The following MYT1L variants were observed in gnomAD, a reference collection of about 807,000 sequenced individuals.
MYT1L encodes myelin transcription factor 1 like.
MYT1L carries 12 observed loss-of-function variants against 126.7 expected under a neutral mutation model. That is an observed-to-expected ratio of 0.09 (90% confidence interval 0.06 to 0.15). The LOEUF is 0.15. Ranked by LOEUF, MYT1L falls within the 10% of genes least tolerant of loss-of-function variation. The pLI is 1.00. For synonymous variants in MYT1L, 541 were observed against 604.2 expected (o/e 0.90, Z 1.53); for missense variants, 979 against 1,585.2 (o/e 0.62, Z 6.49).
chr2:2,052,882 G>C (rs761743581), intron 4 of MYT1L, among the ~76,000 whole-genome samples: 4 of 152,162 alleles, frequency 2.6e-5, no homozygotes, highest in Non-Finnish European at 5.9e-5. Context: ...GGCATTTCCT[G>C]AACAAATTAA....
intron 10 of MYT1L, among the ~76,000 whole-genome samples, chr2:1,921,788 CAG>C (rs2053596795): frequency 6.6e-6 from 1 of 152,158 alleles, no homozygotes; most frequent in Non-Finnish European, 1.5e-5. Context: ...CAATTTCTAT[CAG>C]GGGTGTTTTC....
chr2:2,163,994 C>T (rs951049896), intron 3 of MYT1L, among the ~76,000 whole-genome samples: 3 of 151,944 alleles, frequency 2.0e-5, no homozygotes, highest in African/African-American at 7.3e-5. Context: ...GAAAAATGAC[C>T]TCAATATCAT....
chr2:2,156,896 A>G (rs559102587), intron 3 of MYT1L, among the ~76,000 whole-genome samples: 3 of 152,176 alleles, frequency 2.0e-5, no homozygotes, highest in African/African-American at 4.8e-5. Context: ...AAAAATATAC[A>G]TGTTTTAATG....
rs368140197 is a variant in MYT1L at position 1,979,477 on chromosome 2, T to A, written c.89+44A>T. 5.6e-6 allele frequency: 9 copies of A among 1,596,124 alleles called. No individual in the cohort carries two copies. Among genetic ancestry groups the A allele is most frequent in the Non-Finnish European group, 6.9e-6 (8 of 1,163,846 alleles). On this transcript the variant is annotated intron_variant, in intron 7 of 24. Transcript: ENST00000647738. This position sits in a 1 kb window ranked among gnomAD's most constrained non-coding sequence, Gnocchi z 4.0. ...TGTGCCCATTAGAAGGCGTGAATTTTCCAAACTGTTAATGGGGATGCATTT... is the reference window on the plus strand; with the variant it reads ...TGTGCCCATTAGAAGGCGTGAATTTACCAAACTGTTAATGGGGATGCATTT...
intron 2 of MYT1L, among the ~76,000 whole-genome samples, chr2:2,248,854 G>T (rs1260236592): frequency 2.0e-5 from 3 of 152,022 alleles, no homozygotes; most frequent in Non-Finnish European, 4.4e-5. Context: ...AAAAAACTGG[G>T]TATAGAAATA....
chr2:1,809,196 G>A (rs2036191412), intron 21 of MYT1L, 29 bp from the exon 22 acceptor site: 4 of 1,601,698 alleles, frequency 2.5e-6, no homozygotes, highest in Non-Finnish European at 3.4e-6. Flanking sequence ...ACGGCCATTA[G>A]TCAACTGTCT....
intron 4 of MYT1L, among the ~76,000 whole-genome samples, chr2:2,046,037 G>A (rs552767394): frequency 9.2e-5 from 14 of 152,268 alleles, no homozygotes; most frequent in South Asian, 2.1e-4. Flanking sequence ...TGGTCTCTCC[G>A]TGAATATGTG....
At position 1,887,706 on chromosome 2, in the gene MYT1L, A is replaced by T. The variant is rs1231968078; in HGVS notation, c.2521-97T>A. Reference sequence around the variant, plus strand: ...GGCTCTGGGGTGGCCTCTACATCTTACACCTCTTTCTGCTGTACCTTTAAG... The same window carrying T: ...GGCTCTGGGGTGGCCTCTACATCTTTCACCTCTTTCTGCTGTACCTTTAAG... On this transcript the variant is annotated intron_variant, in intron 16 of 24. Transcript: ENST00000647738. The surrounding 1 kb of genome is among the most constrained non-coding windows in gnomAD (Gnocchi z 4.8). 1 of 1,415,082 alleles carries T rather than the reference A, an allele frequency of 7.1e-7. No individual in the cohort carries two copies. The highest frequency in any genetic ancestry group is 1.4e-5 in the African/African-American group (1 of 70,574). The allele number at this position is 1,415,082 out of a possible 1,614,324, so 87.7% of individuals were successfully genotyped here.
chr2:2,155,430 C>T (rs1483810685), intron 3 of MYT1L, among the ~76,000 whole-genome samples: 2 of 152,126 alleles, frequency 1.3e-5, no homozygotes, highest in Non-Finnish European at 2.9e-5. Flanking sequence ...TGTCTATTAA[C>T]ACCTATAATT....
intron 8 of MYT1L, among the ~76,000 whole-genome samples, chr2:1,961,384 T>C (rs1216364057): frequency 6.6e-6 from 1 of 152,236 alleles, no homozygotes; most frequent in East Asian, 1.9e-4. Flanking sequence ...TCCTTCTTGG[T>C]CTCACTGAAC....
At chr2:2,202,635 T>C (rs2093133429) in intron 2 of MYT1L, among the ~76,000 whole-genome samples, 1 of 152,080 alleles carries the variant, frequency 6.6e-6, no homozygotes, top group African/African-American at 2.4e-5. Flanking sequence ...AATTAATAGC[T>C]TACCAACCAA....
chr2:1,868,911 C>T (rs1414669029), intron 18 of MYT1L, among the ~76,000 whole-genome samples: 1 of 152,188 alleles, frequency 6.6e-6, no homozygotes, highest in Non-Finnish European at 1.5e-5. Context: ...GGAGTGGGCT[C>T]CCGGGAGAGG....
chr2:1,973,658 C>T (rs2059964008), intron 8 of MYT1L, among the ~76,000 whole-genome samples: 1 of 152,218 alleles, frequency 6.6e-6, no homozygotes, highest in African/African-American at 2.4e-5. Context: ...AAACAATCAC[C>T]TACACAGACA....
intron 5 of MYT1L, among the ~76,000 whole-genome samples, chr2:1,986,221 CA>C (rs2061006824): frequency 6.6e-6 from 1 of 152,124 alleles, no homozygotes. Flanking sequence ...TCTCACAATA[CA>C]AATAAAAAGT....
intron 8 of MYT1L, among the ~76,000 whole-genome samples, chr2:1,957,908 T>C (rs999623518): frequency 2.6e-5 from 4 of 152,216 alleles, no homozygotes; most frequent in African/African-American, 9.7e-5. Flanking sequence ...ATCACTCATT[T>C]AAGGTGAACG....
intron 5 of MYT1L, among the ~76,000 whole-genome samples, chr2:1,991,350 T>G (rs1479669968): frequency 6.6e-6 from 1 of 152,108 alleles, no homozygotes; most frequent in Non-Finnish European, 1.5e-5. Context: ...GGCTGGAGTT[T>G]CAGTGACACG....
intron 18 of MYT1L, among the ~76,000 whole-genome samples, chr2:1,865,168 G>C (rs1196967373): frequency 6.6e-6 from 1 of 152,180 alleles, no homozygotes; most frequent in African/African-American, 2.4e-5. Flanking sequence ...TGGAGAGCTG[G>C]GCTGGGGGCT....
intron 13 of MYT1L, among the ~76,000 whole-genome samples, chr2:1,909,792 C>G (rs1033237771): frequency 6.6e-6 from 1 of 152,152 alleles, no homozygotes; most frequent in African/African-American, 2.4e-5. Context: ...GTTTTGCACG[C>G]GAGAGCTTCC....
intron 4 of MYT1L, among the ~76,000 whole-genome samples, chr2:2,018,937 G>A (rs2064736619): frequency 6.6e-6 from 1 of 152,168 alleles, no homozygotes; most frequent in African/African-American, 2.4e-5. Context: ...GGGAGCCGCT[G>A]ATTTGTGAGT....
Sources: gnomAD v4.1 joint callset for allele counts (sites outside exome capture counted in the v4.1 genomes callset) on GRCh38, gnomAD v4.1.1 for gene constraint, Gnocchi (gnomAD v3.1) non-coding constraint, MANE v1.5 for transcripts, NCBI Gene and HGNC (gene_info 2026-07-23, HGNC 2026-07-21) for gene names.